The following B3GALT1 variants were observed in gnomAD, a reference collection of about 807,000 sequenced individuals.
B3GALT1 encodes beta-1,3-galactosyltransferase 1, also known as UDP-Gal:betaGlcNAc beta 1,3-galactosyltransferase, polypeptide 1.
In B3GALT1, 10 loss-of-function variants were observed where a neutral mutation model predicts 23.2. The ratio of observed to expected loss-of-function variants is 0.43; its 90% CI spans 0.27 to 0.73. The LOEUF (loss-of-function observed/expected upper bound fraction) is 0.73. Ranked by LOEUF, B3GALT1 falls within the 30% of genes least tolerant of loss-of-function variation. The probability of loss-of-function intolerance (pLI) is 0.21; values close to 1 mark genes in which losing one functional copy is unlikely to be tolerated. For synonymous variants in B3GALT1, 156 were observed against 141.5 expected (o/e 1.10, Z -0.73); for missense variants, 299 against 405.4 (o/e 0.74, Z 2.25).
rs975783873 is a variant in B3GALT1 at position 167,414,315 on chromosome 2, T to C, written c.-510-75862T>C. 1.2e-4 allele frequency among the ~76,000 whole-genome samples: 18 copies of C among 152,292 alleles called. No individual in the cohort carries two copies. The East Asian group carries it at 3.5e-3, about 29-fold the overall frequency. ...GAAAACTTGTGTTTTTATCTTGACT[T>C]GGCAGTTGACTGACTATGTAATTCT... On this transcript the variant is annotated intron_variant, in intron 1 of 4. Transcript: ENST00000392690.
intron 1 of B3GALT1, among the ~76,000 whole-genome samples, chr2:167,343,957 G>T (rs1697188936): frequency 6.6e-6 from 1 of 152,184 alleles, no homozygotes; most frequent in South Asian, 2.1e-4. Flanking sequence ...ATTGGCTAAA[G>T]CTGGATCACG....
intron 2 of B3GALT1, among the ~76,000 whole-genome samples, chr2:167,622,799 A>G (rs1240937668): frequency 6.6e-6 from 1 of 152,124 alleles, no homozygotes; most frequent in African/African-American, 2.4e-5. Flanking sequence ...AGGTATCCTG[A>G]TGACATTCTA....
intron 3 of B3GALT1, among the ~76,000 whole-genome samples, chr2:167,735,926 G>A (rs762439110): frequency 5.9e-5 from 9 of 152,200 alleles, no homozygotes; most frequent in Non-Finnish European, 1.2e-4. Flanking sequence ...AGAGAAGGAT[G>A]AGGAGGAGGA....
At chr2:167,313,209 C>G (rs917445091) in intron 1 of B3GALT1, among the ~76,000 whole-genome samples, 2 of 152,094 alleles carry the variant, frequency 1.3e-5, no homozygotes, top group African/African-American at 4.8e-5. Context: ...CTGTGGAGAT[C>G]TTACTAACTC....
At chr2:167,368,423 T>G (rs971728716) in intron 1 of B3GALT1, among the ~76,000 whole-genome samples, 1 of 152,338 alleles carries the variant, frequency 6.6e-6, no homozygotes, top group African/African-American at 2.4e-5. Flanking sequence ...TAAATCCCAT[T>G]GCCTCCAACT....
At chr2:167,774,493 T>TG (rs1252112093) in intron 3 of B3GALT1, among the ~76,000 whole-genome samples, 37 of 82,572 alleles carry the variant, frequency 4.5e-4, no homozygotes, top group South Asian at 1.2e-3. Context: ...TTGTTTTTTT[T>TG]TTTGTTTTTT....
chr2:167,505,279 TTAAC>T (rs1699902379), intron 2 of B3GALT1, among the ~76,000 whole-genome samples: 1 of 152,190 alleles, frequency 6.6e-6, no homozygotes, highest in African/African-American at 2.4e-5. Context: ...TGTGGATGTC[TTAAC>T]TATTAAAAAG....
At chr2:167,649,217 G>T (rs1281542851) in intron 3 of B3GALT1, among the ~76,000 whole-genome samples, 1 of 151,712 alleles carries the variant, frequency 6.6e-6, no homozygotes, top group African/African-American at 2.4e-5. Context: ...ATAAACCTTG[G>T]CATTTTTCAT....
intron 2 of B3GALT1, among the ~76,000 whole-genome samples, chr2:167,591,601 C>T (rs1411559231): frequency 6.6e-6 from 1 of 152,074 alleles, no homozygotes. Context: ...TTCGGAGTAG[C>T]TGGAACTACA....
chr2:167,349,128 T>G (rs1023486677), intron 1 of B3GALT1, among the ~76,000 whole-genome samples: 24 of 152,356 alleles, frequency 1.6e-4, no homozygotes, highest in Admixed American at 2.0e-4. Context: ...TTTTGCAGTT[T>G]CAGTTACTCA....
intron 2 of B3GALT1, among the ~76,000 whole-genome samples, chr2:167,646,534 T>C (rs1395376100): frequency 1.3e-5 from 2 of 152,212 alleles, no homozygotes; most frequent in African/African-American, 2.4e-5. Context: ...TCTTTTGCTC[T>C]GTTTGACCCC....
intron 2 of B3GALT1, among the ~76,000 whole-genome samples, chr2:167,508,612 A>G (rs1699958776): frequency 6.6e-6 from 1 of 152,160 alleles, no homozygotes; most frequent in Non-Finnish European, 1.5e-5. Flanking sequence ...GTTATGCTCT[A>G]AAATTGAACT....
intron 1 of B3GALT1, among the ~76,000 whole-genome samples, chr2:167,416,271 C>T (rs193179238): frequency 2.6e-5 from 4 of 152,284 alleles, no homozygotes; most frequent in South Asian, 2.1e-4. Flanking sequence ...TCTCTGCTCC[C>T]TTCATTCCAA....
intron 4 of B3GALT1, among the ~76,000 whole-genome samples, chr2:167,828,982 T>G (rs1034751842): frequency 6.6e-6 from 1 of 152,198 alleles, no homozygotes; most frequent in African/African-American, 2.4e-5. Context: ...ACAATCTGTG[T>G]ACTATAACAG....
chr2:167,348,220 T>C (rs900258439), intron 1 of B3GALT1, among the ~76,000 whole-genome samples: 4 of 152,098 alleles, frequency 2.6e-5, no homozygotes, highest in Non-Finnish European at 5.9e-5. Flanking sequence ...AATATGAAAA[T>C]TTCAGGAAGT....
At chr2:167,456,550 A>G (rs1247624638) in intron 1 of B3GALT1, among the ~76,000 whole-genome samples, 1 of 152,214 alleles carries the variant, frequency 6.6e-6, no homozygotes, top group Non-Finnish European at 1.5e-5. Flanking sequence ...AAACATCTTC[A>G]AAGACCAGTT....
intron 2 of B3GALT1, among the ~76,000 whole-genome samples, chr2:167,552,454 A>G (rs946692165): frequency 6.6e-6 from 1 of 152,196 alleles, no homozygotes; most frequent in East Asian, 1.9e-4. Flanking sequence ...AAATTTCCAT[A>G]AACAACTTAG....
chr2:167,529,342 C>CACTGG (rs1683280409), intron 2 of B3GALT1, among the ~76,000 whole-genome samples: 1 of 151,830 alleles, frequency 6.6e-6, no homozygotes, highest in African/African-American at 2.4e-5. Context: ...ATCATATGTA[C>CACTGG]CAAAATACCA....
intron 1 of B3GALT1, among the ~76,000 whole-genome samples, chr2:167,467,871 C>A (rs114405471): frequency 1.3e-5 from 2 of 152,028 alleles, no homozygotes; most frequent in South Asian, 4.1e-4. Flanking sequence ...AAATATCTAG[C>A]GTGTGCCAGA....
Sources: allele counts gnomAD v4.1 joint callset (sites outside exome capture counted in the v4.1 genomes callset), GRCh38; gene constraint gnomAD v4.1.1; transcripts MANE v1.5; gene names NCBI Gene and HGNC (gene_info 2026-07-23, HGNC 2026-07-21).